ZNF585B: variants seen among roughly 807,000 people sequenced by gnomAD.
ZNF585B encodes the protein zinc finger protein 585B.
ZNF585B carries 7 observed loss-of-function variants against 14.0 expected under a neutral mutation model. The observed-to-expected ratio is 0.50, with a 90% CI of 0.28 to 0.94. The LOEUF (loss-of-function observed/expected upper bound fraction) is 0.94, where lower values mean the gene tolerates loss of function less well. Among genes scored for constraint, ZNF585B ranks in the 40% least tolerant of loss-of-function variants. The pLI, the probability that ZNF585B is intolerant of heterozygous loss-of-function variation, is 0.09. For synonymous variants in ZNF585B, 290 were observed against 317.3 expected, an observed-to-expected ratio of 0.91 and a Z score of 0.91; for missense variants, 750 against 924.4, an observed-to-expected ratio of 0.81 and a Z score of 2.45.
rs144159375 is a variant in ZNF585B at position 37,186,787 on chromosome 19, C to T, written c.750G>A (p.Ala250=). Residue 250 remains alanine, a synonymous_variant, in exon 5 of 5, where the codon GCG becomes GCA. Coordinates refer to ENST00000532828, the MANE Select transcript of ZNF585B (RefSeq NM_152279.4). ...RHHECTDCGK[A]FTQKSTLKIH... is the part of the protein sequence containing the mutation. ...TCTTGAGTGTGGACTTTTGTGTGAA[C>T]GCTTTGCCACAGTCAGTGCATTCAT... The T allele has an allele frequency of 6.0e-5, 97 of 1,614,102 alleles. No individual in the cohort carries two copies. Among genetic ancestry groups the T allele is most frequent in the Middle Eastern group, 1.6e-4 (1 of 6,062 alleles).
intron 1 of ZNF585B, among the ~76,000 whole-genome samples, chr19:37,207,826 T>C (rs1449876944): frequency 6.6e-6 from 1 of 151,904 alleles, no homozygotes; most frequent in Admixed American, 6.6e-5. Flanking sequence ...AGTAAGATAA[T>C]AAACATATCA....
intron 2 of ZNF585B, among the ~76,000 whole-genome samples, chr19:37,192,588 A>G (rs907554331): frequency 6.6e-6 from 1 of 151,794 alleles, no homozygotes; most frequent in Non-Finnish European, 1.5e-5. Flanking sequence ...GGGCAGGTGG[A>G]TCACCTAAGG....
At chr19:37,191,438 T>C (rs1312993692) in intron 2 of ZNF585B, among the ~76,000 whole-genome samples, 1 of 151,658 alleles carries the variant, frequency 6.6e-6, no homozygotes, top group East Asian at 2.0e-4. Flanking sequence ...GCCAACATGG[T>C]GAAATGCCGT....
rs1568504963 is a variant in ZNF585B at position 37,184,456 on chromosome 19, GAA to G, written c.*769_*770del. On this transcript the variant is annotated 3_prime_UTR_variant, in exon 5 of 5. Transcript: ENST00000532828. ...AGAAAGAAAGAAGGAAAGAAAGAAA[GAA>G]AGAAAGAAAGAAAGAAAGAAAGAAA... 25 of 94,004 alleles carry G rather than the reference GAA, an allele frequency of 2.7e-4. 1 individual carries two copies. Among genetic ancestry groups the G allele is most frequent in the African/African-American group, 1.1e-3 (25 of 22,466 alleles). The allele number at this position is 94,004 out of a possible 1,614,324, so 5.8% of individuals were successfully genotyped here. A position where few individuals can be genotyped will look rare whatever the true frequency, so the allele number is the denominator to read the frequency against.
chr19:37,186,763 C>G lies in ZNF585B; in HGVS notation c.774G>C (p.Lys258Asn), dbSNP rs1449398364. Residue 258 changes from lysine (K) to asparagine (N), a missense_variant, in exon 5 of 5, where the codon AAG becomes AAC. Coordinates refer to ENST00000532828, the MANE Select transcript of ZNF585B (RefSeq NM_152279.4). ...GKAFTQKSTL[K>N]IHQKIHTGER... ...CGCCTGTATGGATTTTCTGATGAAT[C>G]TTGAGTGTGGACTTTTGTGTGAACG... 8.7e-6 allele frequency: 14 copies of G among 1,614,014 alleles called. No individual in the cohort carries two copies. The highest frequency in any genetic ancestry group is 1.6e-4 in the Middle Eastern group (1 of 6,082).
intron 2 of ZNF585B, among the ~76,000 whole-genome samples, chr19:37,195,142 C>A (rs909605175): frequency 1.3e-5 from 2 of 151,472 alleles, no homozygotes; most frequent in Non-Finnish European, 2.9e-5. Context: ...GTCAGGAGTT[C>A]GAGACCAGTC....
At position 37,202,292 on chromosome 19, in the gene ZNF585B, G is replaced by A. The variant is rs960607175; in HGVS notation, c.72+4748C>T. On this transcript the variant is annotated intron_variant, in intron 2 of 4. Coordinates refer to ENST00000532828, the MANE Select transcript of ZNF585B (RefSeq NM_152279.4). ...TGCTAGGATTATAGGCGTGAGCCAC[G>A]GCACCCGGCCTCATCTACTCTTGAA... Among the ~76,000 whole-genome samples, 7 of 152,184 alleles carry A rather than the reference G, an allele frequency of 4.6e-5. No homozygotes were observed. The South Asian group carries it at 1.5e-3, about 32-fold the overall frequency.
chr19:37,192,532 C>T (rs949376995), intron 2 of ZNF585B, among the ~76,000 whole-genome samples: 1 of 151,706 alleles, frequency 6.6e-6, no homozygotes, highest in Non-Finnish European at 1.5e-5. Flanking sequence ...AAAATAAGGC[C>T]GGGCGCAGTG....
chr19:37,202,064 C>T (rs1025444075), intron 2 of ZNF585B, among the ~76,000 whole-genome samples: 9 of 152,028 alleles, frequency 5.9e-5, no homozygotes, highest in African/African-American at 1.9e-4. Context: ...CTTGTTGCCC[C>T]GGCTGGAGTG....
chr19:37,203,913 C>G (rs1427300929), intron 2 of ZNF585B, among the ~76,000 whole-genome samples: 1 of 152,224 alleles, frequency 6.6e-6, no homozygotes, highest in Admixed American at 6.5e-5. Context: ...CAGGCATGAG[C>G]CACCGCACCC....
intron 4 of ZNF585B, 44 bp downstream of exon 4, chr19:37,189,617 T>C (rs2145433090): frequency 6.2e-7 from 1 of 1,606,350 alleles, no homozygotes; most frequent in Non-Finnish European, 8.5e-7. Flanking sequence ...GATTTCCTCC[T>C]GTCTCCCATC....
intron 2 of ZNF585B, among the ~76,000 whole-genome samples, chr19:37,192,067 G>C (rs1449000206): frequency 1.3e-5 from 2 of 152,020 alleles, no homozygotes; most frequent in African/African-American, 4.8e-5. Flanking sequence ...CTGCCTTTTA[G>C]TCTTCTAGCA....
chr19:37,184,819 A>G lies in ZNF585B; in HGVS notation c.*408T>C, dbSNP rs1972313854. 2.4e-6 allele frequency: 1 copy of G among 408,596 alleles called. No homozygotes were observed. Among genetic ancestry groups the G allele is most frequent in the African/African-American group, 2.1e-5 (1 of 48,690 alleles). The allele number at this position is 408,596 out of a possible 1,614,324, so 25.3% of individuals were successfully genotyped here. Reference sequence around the variant, plus strand: ...TCTGGAACAAACAACTCACAGAAGGATTCATCACTATCATATATATTATGT... The same window carrying G: ...TCTGGAACAAACAACTCACAGAAGGGTTCATCACTATCATATATATTATGT... On this transcript the variant is annotated 3_prime_UTR_variant, in exon 5 of 5. Coordinates refer to ENST00000532828, the MANE Select transcript of ZNF585B (RefSeq NM_152279.4).
Position 37,186,457 on chromosome 19 carries a change from C to T in ZNF585B, c.1080G>A (p.Gly360=). ...REKSSICTEC[G]KAFTYRSELI... Reference sequence around the variant, plus strand: ...ACTCTGACCTGTAGGTAAAGGCCTTCCCACACTCAGTACATATGGAAGATT... The same window carrying T: ...ACTCTGACCTGTAGGTAAAGGCCTTTCCACACTCAGTACATATGGAAGATT... The change falls in exon 5 of 5, where the codon GGG becomes GGA. Residue 360 remains glycine (G), a synonymous_variant. Coordinates refer to ENST00000532828, the MANE Select transcript of ZNF585B (RefSeq NM_152279.4). The T allele has an allele frequency of 1.9e-6, 3 of 1,614,064 alleles. No individual in the cohort carries two copies. Among genetic ancestry groups the T allele is most frequent in the Non-Finnish European group, 1.7e-6 (2 of 1,179,966 alleles).
rs751354317 is a variant in ZNF585B, at chr19:37,198,999, T to C, written c.72+8041A>G. Reference sequence around the variant, plus strand: ...TACAGTTTGTCTCTTGTGATGCATATTGATTGTGCTTATAGGGCTCAGAAC... The same window carrying C: ...TACAGTTTGTCTCTTGTGATGCATACTGATTGTGCTTATAGGGCTCAGAAC... On this transcript the variant is annotated intron_variant, in intron 2 of 4. Transcript: ENST00000532828. 3.5e-5 allele frequency: 53 copies of C among 1,531,476 alleles called. 1 individual carries two copies. The South Asian group carries it at 5.6e-4, about 16-fold the overall frequency. The allele number at this position is 1,531,476 out of a possible 1,614,324, so 94.9% of individuals were successfully genotyped here.
At chr19:37,208,260 C>G (rs546128062) in intron 1 of ZNF585B, among the ~76,000 whole-genome samples, 58 of 152,046 alleles carry the variant, frequency 3.8e-4, no homozygotes, top group Non-Finnish European at 7.6e-4. Flanking sequence ...CGTGAGCCAC[C>G]GCGCCCAACC....
At chr19:37,191,067 C>T (rs1315594954) in intron 2 of ZNF585B, among the ~76,000 whole-genome samples, 1 of 152,066 alleles carries the variant, frequency 6.6e-6, no homozygotes, top group African/African-American at 2.4e-5. Context: ...ATGTAAATTG[C>T]AGTCATCACT....
At chr19:37,196,721 C>A (rs1207178259) in intron 2 of ZNF585B, among the ~76,000 whole-genome samples, 1 of 152,142 alleles carries the variant, frequency 6.6e-6, no homozygotes, top group East Asian at 1.9e-4. Flanking sequence ...AATATATTTT[C>A]TCTTCCTTTT....
At chr19:37,205,113 G>A (rs1568512248) in intron 2 of ZNF585B, among the ~76,000 whole-genome samples, 1 of 151,670 alleles carries the variant, frequency 6.6e-6, no homozygotes, top group African/African-American at 2.4e-5. Context: ...ACATTGCCAG[G>A]GCTGGTCTTG....
Sources: gnomAD v4.1 joint callset for allele counts (sites outside exome capture counted in the v4.1 genomes callset) on GRCh38, gnomAD v4.1.1 for gene constraint, MANE v1.5 for transcripts, NCBI Gene and HGNC (gene_info 2026-07-23, HGNC 2026-07-21) for gene names.